Variants in IFT57 observed in about 807,000 individuals in gnomAD.
The protein encoded by IFT57 is intraflagellar transport protein 57 homolog.
In IFT57, 59 loss-of-function variants were observed where a neutral mutation model predicts 56.8. The ratio of observed to expected loss-of-function variants is 1.04; its 90% CI spans 0.84 to 1.29. IFT57 has a LOEUF of 1.29. Ranked by LOEUF, IFT57 falls within the 50% of genes most tolerant of loss-of-function variation. IFT57 has a pLI of 0.00. For synonymous variants in IFT57, 209 were observed against 186.1 expected, an observed-to-expected ratio of 1.12 and a Z score of -1.00; for missense variants, 470 against 522.1, an observed-to-expected ratio of 0.90 and a Z score of 0.97.
intron 6 of IFT57, among the ~76,000 whole-genome samples, chr3:108,182,276 G>C (rs1433950305): frequency 6.6e-6 from 1 of 151,958 alleles, no homozygotes; most frequent in Non-Finnish European, 1.5e-5. Context: ...ATCCTCTATT[G>C]TTTCTAGAGG....
At position 108,191,498 on chromosome 3, in the gene IFT57, A is replaced by G. The variant is rs544087097; in HGVS notation, c.777+23T>C. The G allele has an allele frequency of 3.9e-6, 6 of 1,521,102 alleles. No homozygotes were observed. In the East Asian group the frequency reaches 1.2e-4, roughly 30 times the overall value. 94.2% of individuals were successfully genotyped at this position (1,521,102 alleles called of 1,614,324 possible). On this transcript the variant is annotated intron_variant, in intron 6 of 10. Coordinates refer to ENST00000264538, the MANE Select transcript of IFT57 (RefSeq NM_018010.4). ...CTTATAACTTTTTTTTTTTTTTAAG[A>G]AAATGTGTTCCCACTTTGATACCTT... is the stretch of plus-strand genomic sequence containing the variant.
intron 6 of IFT57, among the ~76,000 whole-genome samples, chr3:108,172,436 G>C (rs1037690118): frequency 1.3e-5 from 2 of 151,848 alleles, no homozygotes; most frequent in Non-Finnish European, 2.9e-5. Flanking sequence ...GTACATAATG[G>C]GGAGCTATCA....
At chr3:108,164,618 C>T (rs2080050680) in intron 9 of IFT57, among the ~76,000 whole-genome samples, 1 of 152,044 alleles carries the variant, frequency 6.6e-6, no homozygotes, top group African/African-American at 2.4e-5. Flanking sequence ...TGTTAATTTA[C>T]CTAACATAAG....
intron 6 of IFT57, among the ~76,000 whole-genome samples, chr3:108,170,805 T>C (rs1395764644): frequency 6.6e-6 from 1 of 151,794 alleles, no homozygotes; most frequent in Non-Finnish European, 1.5e-5. Flanking sequence ...AAAACAGATA[T>C]ACAGACCAAT....
At chr3:108,198,791 G>A (rs962206367) in intron 5 of IFT57, among the ~76,000 whole-genome samples, 7 of 152,090 alleles carry the variant, frequency 4.6e-5, no homozygotes, top group Non-Finnish European at 8.8e-5. Flanking sequence ...TGTGATCCAT[G>A]TGGAGTTAAT....
chr3:108,219,352 A>G, intron 2 of IFT57, 58 bp downstream of exon 2: 1 of 1,377,562 alleles, frequency 7.3e-7, no homozygotes, highest in Admixed American at 1.7e-5. Flanking sequence ...TTATTAAATT[A>G]CCAGTATTAA....
chr3:108,206,164 T>C, intron 5 of IFT57, among the ~76,000 whole-genome samples: 1 of 144,316 alleles, frequency 6.9e-6, no homozygotes, highest in African/African-American at 2.6e-5. Flanking sequence ...TGTACTTTTA[T>C]AGATTAGATT....
chr3:108,214,873 G>A (rs1278698826), intron 3 of IFT57, among the ~76,000 whole-genome samples: 1 of 152,060 alleles, frequency 6.6e-6, no homozygotes, highest in Non-Finnish European at 1.5e-5. Flanking sequence ...GGCTATTCAA[G>A]ATTGTTATAG....
At chr3:108,219,317 G>T in intron 2 of IFT57, 93 bp downstream of exon 2, 2 of 952,136 alleles carry the variant, frequency 2.1e-6, no homozygotes, top group African/African-American at 1.6e-5. Context: ...ATTTACAGAG[G>T]AGTCATCTAA....
rs61741713 is a variant in IFT57 at position 108,165,455 on chromosome 3, C to T, written c.1020G>A (p.Thr340=). The change falls in exon 9 of 11, where the codon ACG becomes ACA. Residue 340 remains threonine (T), a synonymous_variant. Coordinates refer to ENST00000264538, the MANE Select transcript of IFT57 (RefSeq NM_018010.4). ...ERYQQGNGGV[T]ERTRLLSEVM... ...CCTCAGAGAGGAGTCTGGTTCTTTC[C>T]GTCACTCCTCCATTTCCCTGCTGGT... 5,981 of 1,612,620 alleles carry T rather than the reference C, an allele frequency of 3.7e-3. 165 individuals are homozygous for T. The African/African-American group carries it at 0.064, about 17-fold the overall frequency.
intron 6 of IFT57, among the ~76,000 whole-genome samples, chr3:108,189,059 G>C (rs571796278): frequency 6.6e-6 from 1 of 152,100 alleles, no homozygotes; most frequent in Non-Finnish European, 1.5e-5. Flanking sequence ...TTTATGAAAA[G>C]AATTTGTTCT....
intron 6 of IFT57, among the ~76,000 whole-genome samples, chr3:108,190,619 CT>C (rs2080210381): frequency 6.6e-6 from 1 of 152,184 alleles, no homozygotes; most frequent in African/African-American, 2.4e-5. Context: ...TATACCTTTC[CT>C]TTAAAAATTA....
chr3:108,214,001 T>A lies in IFT57; in HGVS notation c.515A>T (p.Glu172Val). Residue 172 changes from glutamate to valine, a missense_variant, in exon 4 of 11, where the codon GAA becomes GTA. Glu to Val is a moderately radical substitution (Grantham distance 121). Transcript: ENST00000264538. ...TTCTGCAACGCTTTCTTCTTCTAAT[T>A]CTTCTACTGGGTATATTGGCCTAAA... ...TWKRPIYPVEELEEESVAEDD... is the reference protein window; with the variant it reads ...TWKRPIYPVEVLEEESVAEDD... 1 of 1,601,644 alleles carries A rather than the reference T, an allele frequency of 6.2e-7. No individual in the cohort carries two copies.
intron 3 of IFT57, 59 bp downstream of exon 3, chr3:108,218,476 C>T: frequency 1.4e-6 from 1 of 709,328 alleles, no homozygotes; most frequent in South Asian, 1.9e-5. Flanking sequence ...CAGCTCTGTA[C>T]CCTCAGAGGC....
intron 6 of IFT57, among the ~76,000 whole-genome samples, chr3:108,182,691 A>T (rs977832857): frequency 6.6e-6 from 1 of 152,142 alleles, no homozygotes; most frequent in African/African-American, 2.4e-5. Flanking sequence ...GGTAAGTATT[A>T]AAAAAAGCAG....
intron 1 of IFT57, among the ~76,000 whole-genome samples, chr3:108,221,753 A>C (rs530689841): frequency 6.6e-6 from 1 of 150,908 alleles, no homozygotes; most frequent in South Asian, 2.1e-4. Flanking sequence ...TTTTCTAGAC[A>C]TTTACTTGTG....
rs762193905 is a variant in IFT57, at chr3:108,162,702, CAG to C, written c.1112-49_1112-48del. 4 of 1,368,210 alleles carry C rather than the reference CAG, an allele frequency of 2.9e-6. No homozygotes were observed. The African/African-American group carries it at 5.9e-5, about 20-fold the overall frequency. The allele number at this position is 1,368,210 out of a possible 1,614,324, so 84.8% of individuals were successfully genotyped here. A position where few individuals can be genotyped will look rare whatever the true frequency, so the allele number is the denominator to read the frequency against. On this transcript the variant is annotated intron_variant, in intron 10 of 10. Coordinates refer to ENST00000264538, the MANE Select transcript of IFT57 (RefSeq NM_018010.4). Reference sequence around the variant, plus strand: ...AAATAAAAATGTTCATTTGGAGTATCAGTGTATTACAGAATTGTATGACATTT... The same window carrying C: ...AAATAAAAATGTTCATTTGGAGTATCTGTATTACAGAATTGTATGACATTT...
chr3:108,194,626 T>C (rs1470201311), intron 5 of IFT57, among the ~76,000 whole-genome samples: 1 of 152,194 alleles, frequency 6.6e-6, no homozygotes, highest in African/African-American at 2.4e-5. Context: ...AGCATGGTTC[T>C]GGCATAAAAA....
intron 6 of IFT57, among the ~76,000 whole-genome samples, chr3:108,175,272 G>A (rs1252605099): frequency 6.6e-6 from 1 of 151,608 alleles, no homozygotes; most frequent in Non-Finnish European, 1.5e-5. Flanking sequence ...TCTCTCAATG[G>A]AATTGAGAAC....
Sources: gnomAD v4.1 joint callset for allele counts (sites outside exome capture counted in the v4.1 genomes callset) on GRCh38, gnomAD v4.1.1 for gene constraint, MANE v1.5 for transcripts, NCBI Gene and HGNC (gene_info 2026-07-23, HGNC 2026-07-21) for gene names.